Variants in BRD10 observed in about 807,000 individuals in gnomAD.
BRD10 encodes the protein bromodomain containing 10, also known as uncharacterized bromodomain-containing protein 10.
chr9:5,990,735 T>G, the BRD10 span, among the ~76,000 whole-genome samples: 3 of 152,204 alleles, frequency 2.0e-5, no homozygotes, highest in Non-Finnish European at 4.4e-5. Flanking sequence ...CTGATATTAC[T>G]CAGGGTTGGA....
the BRD10 span, among the ~76,000 whole-genome samples, chr9:5,950,225 G>C: frequency 3.3e-5 from 5 of 152,196 alleles, no homozygotes; most frequent in Admixed American, 2.6e-4. Context: ...AATGGAAAGA[G>C]TGCTAAGGGT....
the BRD10 span, among the ~76,000 whole-genome samples, chr9:5,973,726 A>G: frequency 6.6e-6 from 1 of 152,008 alleles, no homozygotes; most frequent in Non-Finnish European, 1.5e-5. Context: ...TCATCTCTTA[A>G]AAAAAACGGG....
At chr9:5,940,314 C>T in the BRD10 span, among the ~76,000 whole-genome samples, 1 of 152,188 alleles carries the variant, frequency 6.6e-6, no homozygotes, top group African/African-American at 2.4e-5. Context: ...CTGCCTCAGC[C>T]TCCCGAGTAG....
chr9:5,919,895 G>A, the BRD10 span: 3 of 1,613,960 alleles, frequency 1.9e-6, no homozygotes, highest in Non-Finnish European at 2.5e-6. Context: ...AAACACTGAA[G>A]TGCTACTTGG....
the BRD10 span, chr9:6,007,262 G>GGTCC: frequency 6.2e-7 from 1 of 1,613,918 alleles, no homozygotes; most frequent in Non-Finnish European, 8.5e-7. Context: ...GAGATCCAGT[G>GGTCC]GTCCACTCCG....
the BRD10 span, among the ~76,000 whole-genome samples, chr9:5,983,962 T>TACACACACAC: frequency 0.027 from 3,497 of 129,624 alleles, 72 homozygotes; most frequent in African/African-American, 0.054. Flanking sequence ...GTATATGCAT[T>TACACACACAC]ACACACACAC....
At chr9:5,937,228 CAAAA>C in the BRD10 span, among the ~76,000 whole-genome samples, 1 of 90,704 alleles carries the variant, frequency 1.1e-5, no homozygotes, top group Non-Finnish European at 2.2e-5. Flanking sequence ...GACTCTGCCT[CAAAA>C]AAAAAAAAAA....
the BRD10 span, among the ~76,000 whole-genome samples, chr9:5,946,915 T>C: frequency 6.6e-6 from 1 of 152,092 alleles, no homozygotes; most frequent in Non-Finnish European, 1.5e-5. Context: ...AGTCAACAGA[T>C]ATTTATGTTC....
the BRD10 span, chr9:5,924,785 A>G: frequency 2.5e-6 from 4 of 1,591,404 alleles, no homozygotes; most frequent in East Asian, 2.2e-5. Flanking sequence ...ATAGTTCTCT[A>G]TTAAATGTAT....
At chr9:5,908,345 A>G in the BRD10 span, among the ~76,000 whole-genome samples, 1 of 152,238 alleles carries the variant, frequency 6.6e-6, no homozygotes, top group Non-Finnish European at 1.5e-5. Flanking sequence ...ATAGCATTCA[A>G]TGATTCGTTA....
the BRD10 span, chr9:5,922,109 G>A: frequency 4.3e-6 from 7 of 1,613,862 alleles, no homozygotes; most frequent in Admixed American, 1.7e-5. Flanking sequence ...ATCTGGGTTG[G>A]TCTGTACTTT....
At chr9:5,978,734 A>C in the BRD10 span, among the ~76,000 whole-genome samples, 1 of 152,228 alleles carries the variant, frequency 6.6e-6, no homozygotes, top group Non-Finnish European at 1.5e-5. Flanking sequence ...AAGAAAAACT[A>C]CACGGTCAGC....
the BRD10 span, among the ~76,000 whole-genome samples, chr9:5,889,718 G>A: frequency 6.6e-6 from 1 of 152,128 alleles, no homozygotes; most frequent in African/African-American, 2.4e-5. Flanking sequence ...CTGGGAGGCA[G>A]AGGTTGTAGT....
At chr9:5,945,505 A>G in the BRD10 span, among the ~76,000 whole-genome samples, 6 of 152,276 alleles carry the variant, frequency 3.9e-5, no homozygotes, top group Admixed American at 2.0e-4. Context: ...CACATTCTTA[A>G]TATCAGTTTA....
the BRD10 span, among the ~76,000 whole-genome samples, chr9:5,916,955 G>A: frequency 6.6e-6 from 1 of 152,132 alleles, no homozygotes; most frequent in Non-Finnish European, 1.5e-5. Context: ...TACAAAACTG[G>A]AGGCAAAGGA....
the BRD10 span, among the ~76,000 whole-genome samples, chr9:5,902,837 GC>G: frequency 2.6e-5 from 4 of 151,832 alleles, no homozygotes; most frequent in African/African-American, 9.7e-5. Flanking sequence ...ATTGATTTCT[GC>G]TCTAATTTTT....
chr9:5,950,721 G>A, the BRD10 span, among the ~76,000 whole-genome samples: 7 of 152,070 alleles, frequency 4.6e-5, no homozygotes, highest in Non-Finnish European at 1.0e-4. Context: ...CTCGGTATCC[G>A]TGGGGTACTG....
At chr9:5,914,160 G>T in the BRD10 span, 1 of 392,070 alleles carries the variant, frequency 2.6e-6, no homozygotes, top group South Asian at 1.9e-5. Context: ...CCACGTGCAG[G>T]GGATCCCATG....
chr9:5,987,401 A>G, the BRD10 span, among the ~76,000 whole-genome samples: 1 of 151,998 alleles, frequency 6.6e-6, no homozygotes, highest in Admixed American at 6.6e-5. Context: ...CTTTTCTTCA[A>G]TTCTCCCCAT....
Sources: allele counts gnomAD v4.1 joint callset (sites outside exome capture counted in the v4.1 genomes callset), GRCh38; gene constraint gnomAD v4.1.1; transcripts MANE v1.5; gene names NCBI Gene and HGNC (gene_info 2026-07-23, HGNC 2026-07-21).